The following ZC3H12B variants were observed in gnomAD, a reference collection of about 807,000 sequenced individuals.
The protein encoded by ZC3H12B is probable ribonuclease ZC3H12B.
In ZC3H12B, 7 loss-of-function variants were observed where a neutral mutation model predicts 43.9. The ratio of observed to expected loss-of-function variants is 0.16; its 90% CI spans 0.09 to 0.30. ZC3H12B has a LOEUF of 0.30. Among genes scored for constraint, ZC3H12B ranks in the 10% least tolerant of loss-of-function variants. The pLI is 1.00. For missense variants in ZC3H12B, 475 were observed against 670.2 expected (o/e 0.71, Z 3.22); for synonymous variants, 222 against 241.7 (o/e 0.92, Z 0.76).
chrX:65,444,389 G>C (rs1356491015), intron 3 of ZC3H12B, among the ~76,000 whole-genome samples: 1 of 111,593 alleles, frequency 9.0e-6, no homozygotes, highest in Non-Finnish European at 1.9e-5. Context: ...GTCCCATGCT[G>C]TTCTCATTGT....
the ZC3H12B span, among the ~76,000 whole-genome samples, chrX:65,351,612 A>C: frequency 8.9e-6 from 1 of 112,504 alleles, no homozygotes; most frequent in Non-Finnish European, 1.9e-5. Flanking sequence ...GACTTAAACA[A>C]ATTTACAAGA....
At chrX:65,279,284 G>A in the ZC3H12B span, among the ~76,000 whole-genome samples, 17 of 102,462 alleles carry the variant, frequency 1.7e-4, no homozygotes, top group East Asian at 2.9e-4. Flanking sequence ...CCTTCTCTCC[G>A]CAACCTTACC....
chrX:65,228,080 A>G, the ZC3H12B span, among the ~76,000 whole-genome samples: 1 of 111,738 alleles, frequency 8.9e-6, no homozygotes, highest in Non-Finnish European at 1.9e-5. Context: ...GACACAACCA[A>G]AAAAGAGAAT....
At chrX:65,197,991 A>G in the ZC3H12B span, among the ~76,000 whole-genome samples, 1 of 112,390 alleles carries the variant, frequency 8.9e-6, no homozygotes, top group Non-Finnish European at 1.9e-5. Flanking sequence ...AGATCAACGT[A>G]CACATCCGTT....
the ZC3H12B span, among the ~76,000 whole-genome samples, chrX:65,264,322 G>C: frequency 2.0e-3 from 222 of 111,778 alleles, 1 homozygote; most frequent in African/African-American, 6.8e-3. Context: ...AAAAAAAATT[G>C]AGTGTTTTAA....
At chrX:65,317,132 C>T in the ZC3H12B span, among the ~76,000 whole-genome samples, 1 of 110,423 alleles carries the variant, frequency 9.1e-6, no homozygotes, top group Non-Finnish European at 1.9e-5. Context: ...CAGGAGCACC[C>T]AGATTTATAT....
At chrX:65,250,478 C>T in the ZC3H12B span, among the ~76,000 whole-genome samples, 1 of 111,617 alleles carries the variant, frequency 9.0e-6, no homozygotes, top group African/African-American at 3.3e-5. Context: ...GGTCAAATGG[C>T]ATTTCTATTT....
At chrX:65,254,942 A>T in the ZC3H12B span, among the ~76,000 whole-genome samples, 1 of 111,961 alleles carries the variant, frequency 8.9e-6, no homozygotes, top group Non-Finnish European at 1.9e-5. Context: ...CAGCAGAATC[A>T]ACCAAGCTGA....
At chrX:65,085,169 G>A in the ZC3H12B span, among the ~76,000 whole-genome samples, 1 of 111,272 alleles carries the variant, frequency 9.0e-6, no homozygotes, top group African/African-American at 3.3e-5. Context: ...AAAATAGTTA[G>A]AAAGAATGAA....
chrX:65,424,917 CT>C, intron 3 of ZC3H12B, among the ~76,000 whole-genome samples: 1 of 111,470 alleles, frequency 9.0e-6, no homozygotes, highest in East Asian at 2.8e-4. Flanking sequence ...CAGCTTTGTT[CT>C]TTTTTCTTAT....
rs1233090021 is a variant in ZC3H12B, at chrX:65,368,875, A to T, written n.172A>T. 1 of 112,427 alleles carries T rather than the reference A, an allele frequency of 8.9e-6. No homozygotes were observed. 9.3% of individuals were successfully genotyped at this position (112,427 alleles called of 1,213,427 possible). A position where few individuals can be genotyped will look rare whatever the true frequency, so the allele number is the denominator to read the frequency against. On this transcript the variant is annotated non_coding_transcript_exon_variant, in exon 2 of 6. The change creates a new upstream start codon in the 5' untranslated region. Coordinates refer to the ZC3H12B transcript ENST00000617377. Reference sequence around the variant, plus strand: ...TTCTGCCTCAGCAACAGAGGATAAAAGTCATGTTGTGATGGATAAGTCACA... The same window carrying T: ...TTCTGCCTCAGCAACAGAGGATAAATGTCATGTTGTGATGGATAAGTCACA...
chrX:65,218,130 C>T, the ZC3H12B span, among the ~76,000 whole-genome samples: 3 of 112,005 alleles, frequency 2.7e-5, no homozygotes, highest in Non-Finnish European at 5.6e-5. Context: ...ACCTAATGTG[C>T]CAGGAGGGAA....
chrX:65,425,695 C>G (rs1353068532), intron 3 of ZC3H12B, among the ~76,000 whole-genome samples: 1 of 111,554 alleles, frequency 9.0e-6, no homozygotes, highest in African/African-American at 3.3e-5. Flanking sequence ...TATCAAAAGG[C>G]TTTTCTGCAT....
At chrX:65,461,807 C>T (rs977995167) in intron 3 of ZC3H12B, among the ~76,000 whole-genome samples, 2 of 110,038 alleles carry the variant, frequency 1.8e-5, no homozygotes, top group African/African-American at 6.6e-5. Context: ...ATATATGTAA[C>T]AAACCTGCAC....
intron 2 of ZC3H12B, among the ~76,000 whole-genome samples, chrX:65,395,472 T>G (rs2066684383): frequency 8.9e-6 from 1 of 112,369 alleles, no homozygotes; most frequent in Non-Finnish European, 1.9e-5. Flanking sequence ...AATTATGTGG[T>G]TTTTGTCGCT....
chrX:65,286,014 A>G, the ZC3H12B span, among the ~76,000 whole-genome samples: 1 of 112,066 alleles, frequency 8.9e-6, no homozygotes, highest in East Asian at 2.8e-4. Context: ...AGATTCCTCA[A>G]AGAACTTAAA....
chrX:65,245,018 A>G, the ZC3H12B span, among the ~76,000 whole-genome samples: 2 of 111,292 alleles, frequency 1.8e-5, no homozygotes, highest in Non-Finnish European at 3.8e-5. Flanking sequence ...TGATACGTAG[A>G]GAAGATTCAG....
At chrX:65,142,448 A>G in the ZC3H12B span, among the ~76,000 whole-genome samples, 1 of 112,151 alleles carries the variant, frequency 8.9e-6, no homozygotes, top group East Asian at 2.8e-4. Flanking sequence ...TTCCCACTCT[A>G]CAGGTTGTCT....
chrX:65,387,017 G>T (rs2066536991), intron 2 of ZC3H12B, among the ~76,000 whole-genome samples: 2 of 111,921 alleles, frequency 1.8e-5, no homozygotes, highest in African/African-American at 3.2e-5. Flanking sequence ...GAGACAGTTT[G>T]TCATAATTTC....
Sources: gnomAD v4.1 joint callset for allele counts (sites outside exome capture counted in the v4.1 genomes callset) on GRCh38, gnomAD v4.1.1 for gene constraint, MANE v1.5 for transcripts, NCBI Gene and HGNC (gene_info 2026-07-23, HGNC 2026-07-21) for gene names.